ERAP1: variants seen among roughly 807,000 people sequenced by gnomAD.
ERAP1 encodes adipocyte-derived leucine aminopeptidase.
In ERAP1, 86 loss-of-function variants were observed where a neutral mutation model predicts 103.7. That is an observed-to-expected ratio of 0.83 (90% CI 0.70 to 0.99). The LOEUF is 0.99. ERAP1 is among the 50% of genes least tolerant of loss of function. The pLI, the probability that ERAP1 is intolerant of heterozygous loss-of-function variation, is 0.00. For synonymous variants in ERAP1, 398 were observed against 402.4 expected (o/e 0.99, Z 0.13); for missense variants, 1,009 against 1,128.4 (o/e 0.89, Z 1.52).
In ERAP1 at chr5:96,775,371, T is replaced by C. The variant is rs915777072; in HGVS notation, c.*1025A>G. On this transcript the variant is annotated 3_prime_UTR_variant, in exon 19 of 19. Coordinates refer to ENST00000443439, the MANE Select transcript of ERAP1 (RefSeq NM_001040458.3). ...TATTGGTGACTGCAATAATTTACTG[T>C]CAGTAAATGCCAATAACTAGTTAGT... is the stretch of plus-strand genomic sequence containing the variant. 3.9e-5 allele frequency: 38 copies of C among 984,256 alleles called. No individual in the cohort carries two copies. The highest frequency in any genetic ancestry group is 4.3e-5 in the Non-Finnish European group (36 of 829,242). The allele number at this position is 984,256 out of a possible 1,614,324, so 61.0% of individuals were successfully genotyped here.
chr5:96,819,722 G>T, the ERAP1 span, among the ~76,000 whole-genome samples: 1 of 152,098 alleles, frequency 6.6e-6, no homozygotes, highest in Non-Finnish European at 1.5e-5. Context: ...TCACCCTCAA[G>T]GAAGGTTTAA....
upstream of ERAP1, among the ~76,000 whole-genome samples, chr5:96,810,251 A>G (rs536325420): frequency 5.2e-4 from 79 of 152,342 alleles, no homozygotes; most frequent in Middle Eastern, 0.01. Context: ...CAGACCTTGG[A>G]GTAAGGACTT....
chr5:96,781,659 T>C (rs781022685), intron 16 of ERAP1, 34 bp downstream of exon 16: 10 of 1,613,638 alleles, frequency 6.2e-6, no homozygotes, highest in African/African-American at 1.3e-5. Context: ...TAATTTCCCT[T>C]GGCCACATGA....
chr5:96,788,614 TA>T lies in ERAP1; in HGVS notation c.1595del (p.Leu532GlnfsTer2), dbSNP rs536139131. The T allele has an allele frequency of 1.1e-4, 178 of 1,614,218 alleles. 1 individual carries two copies. The East Asian group carries it at 3.7e-3, about 34-fold the overall frequency. ...NTWTLQKGFP[L>X]ITITVRGRNV... is the part of the protein sequence containing the mutation. ...TCCTCCCCCTCACTGTGATGGTTATTAGGGGAAAACCCTTCTGCAGTGTCCA... is the reference window on the plus strand; with the variant it reads ...TCCTCCCCCTCACTGTGATGGTTATTGGGGAAAACCCTTCTGCAGTGTCCA... On this transcript the variant is annotated frameshift_variant, in exon 11 of 19. Transcript: ENST00000443439. LOFTEE classifies it high-confidence loss of function.
chr5:96,887,924 G>C, the ERAP1 span, among the ~76,000 whole-genome samples: 1 of 152,084 alleles, frequency 6.6e-6, no homozygotes, highest in Non-Finnish European at 1.5e-5. Flanking sequence ...TCAGGAGTTT[G>C]AGACCAGCCT....
chr5:96,811,115 A>C (rs193086986), upstream of ERAP1, among the ~76,000 whole-genome samples: 12 of 152,266 alleles, frequency 7.9e-5, no homozygotes, highest in Admixed American at 7.2e-4. Context: ...TTTAAAAAAA[A>C]ATAATAATGC....
the ERAP1 span, among the ~76,000 whole-genome samples, chr5:96,856,365 TAGAG>T: frequency 1.9e-3 from 38 of 20,380 alleles, no homozygotes; most frequent in African/African-American, 4.8e-3. Flanking sequence ...TATATATATA[TAGAG>T]AGAGAGAGAG....
chr5:96,906,621 C>T, the ERAP1 span, among the ~76,000 whole-genome samples: 1 of 152,154 alleles, frequency 6.6e-6, no homozygotes, highest in African/African-American at 2.4e-5. Context: ...GGTTTTCATA[C>T]ATTTTAAATG....
the ERAP1 span, among the ~76,000 whole-genome samples, chr5:96,846,013 A>G: frequency 2.2e-4 from 33 of 152,344 alleles, no homozygotes; most frequent in Non-Finnish European, 2.9e-5. Context: ...ATTAGAGGAT[A>G]AGATAGTAAG....
the ERAP1 span, among the ~76,000 whole-genome samples, chr5:96,920,751 C>T: frequency 1.3e-5 from 2 of 152,150 alleles, no homozygotes; most frequent in South Asian, 4.1e-4. Flanking sequence ...AACTTTAAAC[C>T]AATCATGCAC....
the ERAP1 span, among the ~76,000 whole-genome samples, chr5:96,907,839 T>C: frequency 6.0e-3 from 917 of 151,864 alleles, 3 homozygotes; most frequent in Middle Eastern, 0.01. Context: ...GCTGAGATTA[T>C]GCCATTGTAC....
At chr5:96,915,696 T>C in the ERAP1 span, 1 of 1,535,784 alleles carries the variant, frequency 6.5e-7, no homozygotes, top group Non-Finnish European at 8.7e-7. Flanking sequence ...AGATTTGACT[T>C]GGGCTCATAT....
the ERAP1 span, among the ~76,000 whole-genome samples, chr5:96,823,464 AT>A: frequency 1.3e-5 from 2 of 152,140 alleles, no homozygotes; most frequent in African/African-American, 4.8e-5. Flanking sequence ...AATTCACCTC[AT>A]TTTTGCACTT....
the ERAP1 span, among the ~76,000 whole-genome samples, chr5:96,840,090 C>T: frequency 6.6e-6 from 1 of 152,142 alleles, no homozygotes; most frequent in Non-Finnish European, 1.5e-5. Context: ...TTCCAATAAA[C>T]AATTATTAGA....
At chr5:96,761,078 A>G (rs888431165) in exon 20 of ERAP1, 2 of 152,142 alleles carry the variant, frequency 1.3e-5, no homozygotes, top group African/African-American at 4.8e-5. Flanking sequence ...ATGATTTAGT[A>G]TTTTTAAAGA....
the ERAP1 span, among the ~76,000 whole-genome samples, chr5:96,843,266 C>A: frequency 6.6e-6 from 1 of 152,086 alleles, no homozygotes; most frequent in Non-Finnish European, 1.5e-5. Flanking sequence ...TTTGTGTACA[C>A]CCTAAGTAAA....
the ERAP1 span, among the ~76,000 whole-genome samples, chr5:96,899,164 C>A: frequency 6.6e-6 from 1 of 152,178 alleles, no homozygotes; most frequent in Non-Finnish European, 1.5e-5. Flanking sequence ...AGTGAGAAAA[C>A]TGATACTAAG....
rs191189823 is a variant in ERAP1 at position 96,782,516 on chromosome 5, C to T, written c.2285+535G>A. On this transcript the variant is annotated intron_variant, in intron 15 of 18. Transcript: ENST00000443439. ...TTTACACCATGATCACAAGTCAGGA[C>T]GGCAGTAGGACCACTGTTTGGATTT... Among the ~76,000 whole-genome samples, 13 of 152,258 alleles carry T rather than the reference C, an allele frequency of 8.5e-5. No homozygotes were observed. The East Asian group carries it at 1.3e-3, about 16-fold the overall frequency.
intron 14 of ERAP1, among the ~76,000 whole-genome samples, chr5:96,783,493 C>G (rs1031281847): frequency 6.6e-6 from 1 of 152,116 alleles, no homozygotes; most frequent in Non-Finnish European, 1.5e-5. Flanking sequence ...ACTTTTAAAA[C>G]AAACTCAAAG....
Sources: gnomAD v4.1 joint callset for allele counts (sites outside exome capture counted in the v4.1 genomes callset) on GRCh38, gnomAD v4.1.1 for gene constraint, MANE v1.5 for transcripts, NCBI Gene and HGNC (gene_info 2026-07-23, HGNC 2026-07-21) for gene names.